The following CDH13 variants were observed in gnomAD, a reference collection of about 807,000 sequenced individuals.
CDH13 encodes cadherin 13.
In CDH13, 24 loss-of-function variants were observed where a neutral mutation model predicts 63.8. That is an observed-to-expected ratio of 0.38 (90% CI 0.27 to 0.53). The LOEUF (loss-of-function observed/expected upper bound fraction) is 0.53, where lower values mean the gene tolerates loss of function less well. CDH13 is among the 20% of genes least tolerant of loss of function. The probability of loss-of-function intolerance (pLI) is 0.85; values close to 1 mark genes in which losing one functional copy is unlikely to be tolerated. For missense variants in CDH13, 1,049 were observed against 903.1 expected (o/e 1.16, Z -2.07); for synonymous variants, 503 against 355.3 (o/e 1.42, Z -4.67).
rs1277170277 is a variant in CDH13, at chr16:83,643,312, A to T, written c.1102-27478A>T. On this transcript the variant is annotated intron_variant, in intron 8 of 13. Transcript: ENST00000567109. ...AAAAAAAAAAAAAAAGAAAAAAAAAATTTAACAGATCTCTCCACACACCTG... is the reference window on the plus strand; with the variant it reads ...AAAAAAAAAAAAAAAGAAAAAAAAATTTTAACAGATCTCTCCACACACCTG... Among the ~76,000 whole-genome samples the T allele has an allele frequency of 1.4e-5, 2 of 147,868 alleles. 1 individual carries two copies. Among genetic ancestry groups the T allele is most frequent in the Non-Finnish European group, 3.0e-5 (2 of 66,842 alleles).
chr16:83,368,831 C>T (rs1274408988), intron 6 of CDH13, among the ~76,000 whole-genome samples: 1 of 130,198 alleles, frequency 7.7e-6, no homozygotes, highest in Non-Finnish European at 1.6e-5. Context: ...ATCCAAGTTT[C>T]TGTGAATACC....
At chr16:83,759,681 C>G (rs1913801006) in intron 11 of CDH13, among the ~76,000 whole-genome samples, 1 of 152,052 alleles carries the variant, frequency 6.6e-6, no homozygotes, top group Non-Finnish European at 1.5e-5. Flanking sequence ...AATCCCAGCA[C>G]CTTGGGAAGC....
At chr16:82,929,237 G>T (rs1475283008) in intron 2 of CDH13, among the ~76,000 whole-genome samples, 1 of 152,132 alleles carries the variant, frequency 6.6e-6, no homozygotes, top group Non-Finnish European at 1.5e-5. Flanking sequence ...GATGGTGTCT[G>T]GAGGTAGGGC....
chr16:83,162,907 C>T (rs1052656116), intron 4 of CDH13, among the ~76,000 whole-genome samples: 1 of 152,050 alleles, frequency 6.6e-6, no homozygotes, highest in Non-Finnish European at 1.5e-5. Context: ...GGGCTGCTCC[C>T]AAGTCTAGCA....
chr16:83,258,913 C>G (rs570800120), intron 5 of CDH13, among the ~76,000 whole-genome samples: 21 of 152,340 alleles, frequency 1.4e-4, no homozygotes, highest in African/African-American at 4.8e-4. Context: ...CACTGCCTCT[C>G]CTTCCACCTT....
At chr16:83,063,210 C>T (rs1209974763) in intron 3 of CDH13, among the ~76,000 whole-genome samples, 2 of 152,128 alleles carry the variant, frequency 1.3e-5, no homozygotes, top group Admixed American at 6.5e-5. Flanking sequence ...GATCCACCCA[C>T]CTCAGCCTCC....
chr16:83,533,566 A>G (rs529496130), intron 7 of CDH13, among the ~76,000 whole-genome samples: 42 of 151,894 alleles, frequency 2.8e-4, no homozygotes, highest in African/African-American at 9.9e-4. Context: ...GGCACGGCCC[A>G]CGGCTTCCTT....
At chr16:83,602,116 A>C (rs1907883628) in intron 7 of CDH13, among the ~76,000 whole-genome samples, 21 of 92,070 alleles carry the variant, frequency 2.3e-4, no homozygotes, top group African/African-American at 3.6e-4. Context: ...ACAAAAAAAA[A>C]AAAAAAAAAA....
chr16:82,909,641 G>C (rs2041765447), intron 2 of CDH13, among the ~76,000 whole-genome samples: 2 of 152,030 alleles, frequency 1.3e-5, no homozygotes, highest in African/African-American at 4.8e-5. Flanking sequence ...CTCATGCATG[G>C]GAACTCCCAT....
rs537733354 is a variant in CDH13 at position 82,685,966 on chromosome 16, G to T, written c.45+58829G>T. The stretch of plus-strand genomic sequence containing the variant: ...CTAGTGGTTAAATCATGATGAATAG[G>T]CACAGAGAGCTGATAATTAAGGTAG... On this transcript the variant is annotated intron_variant, in intron 1 of 13. Coordinates refer to ENST00000567109, the MANE Select transcript of CDH13 (RefSeq NM_001257.5). Among the ~76,000 whole-genome samples, 287 of 152,272 alleles carry T rather than the reference G, an allele frequency of 1.9e-3. 1 individual carries two copies. Among genetic ancestry groups the T allele is most frequent in the African/African-American group, 6.7e-3 (279 of 41,550 alleles).
chr16:83,365,240 C>T (rs1330068924), intron 6 of CDH13, among the ~76,000 whole-genome samples: 1 of 152,064 alleles, frequency 6.6e-6, no homozygotes, highest in Non-Finnish European at 1.5e-5. Flanking sequence ...CAGGAAGGGC[C>T]AATGTATTGT....
chr16:83,780,980 A>C (rs1203598043), intron 12 of CDH13, among the ~76,000 whole-genome samples: 2 of 152,164 alleles, frequency 1.3e-5, no homozygotes, highest in African/African-American at 4.8e-5. Context: ...ATAGTCTTCA[A>C]CCTCCAACCT....
chr16:82,759,116 TGA>T (rs937804051), intron 1 of CDH13, among the ~76,000 whole-genome samples: 4 of 152,160 alleles, frequency 2.6e-5, no homozygotes, highest in African/African-American at 9.7e-5. Flanking sequence ...TCTTAACTGT[TGA>T]GAGTCAGTGG....
At chr16:82,908,701 G>T (rs1412510949) in intron 2 of CDH13, among the ~76,000 whole-genome samples, 3 of 152,034 alleles carry the variant, frequency 2.0e-5, no homozygotes, top group Non-Finnish European at 2.9e-5. Flanking sequence ...TCACCCCTCG[G>T]TATCTGTGGG....
intron 2 of CDH13, among the ~76,000 whole-genome samples, chr16:82,941,849 T>C (rs1459927980): frequency 6.6e-6 from 1 of 152,172 alleles, no homozygotes; most frequent in African/African-American, 2.4e-5. Context: ...CTTATATTCA[T>C]ACCCAGGAAG....
intron 1 of CDH13, among the ~76,000 whole-genome samples, chr16:82,798,714 G>T (rs2036705803): frequency 6.6e-6 from 1 of 152,154 alleles, no homozygotes; most frequent in African/African-American, 2.4e-5. Flanking sequence ...GGTTTGGGGA[G>T]CTGAGTGAGG....
At chr16:83,287,336 C>T (rs1370324970) in intron 5 of CDH13, among the ~76,000 whole-genome samples, 1 of 152,220 alleles carries the variant, frequency 6.6e-6, no homozygotes, top group Non-Finnish European at 1.5e-5. Flanking sequence ...CAGGCCAGTA[C>T]TAGCCTATGA....
intron 4 of CDH13, among the ~76,000 whole-genome samples, chr16:83,199,446 G>T (rs2038963770): frequency 6.6e-6 from 1 of 152,172 alleles, no homozygotes; most frequent in African/African-American, 2.4e-5. Flanking sequence ...TGAACTAGCT[G>T]TGTAACCCAT....
intron 10 of CDH13, among the ~76,000 whole-genome samples, chr16:83,695,724 T>C (rs758725937): frequency 5.3e-5 from 8 of 152,252 alleles, no homozygotes; most frequent in Non-Finnish European, 1.0e-4. Context: ...ATGTGAACAG[T>C]AACTAAATAG....
Sources: gnomAD v4.1 joint callset for allele counts (sites outside exome capture counted in the v4.1 genomes callset) on GRCh38, gnomAD v4.1.1 for gene constraint, MANE v1.5 for transcripts, NCBI Gene and HGNC (gene_info 2026-07-23, HGNC 2026-07-21) for gene names.